Variants in TMLHE observed in about 807,000 individuals in gnomAD.
The protein encoded by TMLHE is trimethyllysine hydroxylase, epsilon.
In TMLHE, 18 loss-of-function variants were observed where a neutral mutation model predicts 25.7. That is an observed-to-expected ratio of 0.70 (90% CI 0.48 to 1.04). The LOEUF is 1.04. Among genes scored for constraint, TMLHE ranks in the 50% least tolerant of loss-of-function variants. TMLHE has a pLI of 0.00. For synonymous variants in TMLHE, 105 were observed against 97.0 expected, an observed-to-expected ratio of 1.08 and a Z score of -0.49; for missense variants, 236 against 259.0, an observed-to-expected ratio of 0.91 and a Z score of 0.61.
intron 1 of TMLHE, among the ~76,000 whole-genome samples, chrX:155,606,814 A>AAT (rs2067789769): frequency 9.2e-6 from 1 of 108,776 alleles, no homozygotes; most frequent in Admixed American, 9.7e-5. Context: ...AAAAAAAAAA[A>AAT]ACCCCATCAG....
intron 1 of TMLHE, among the ~76,000 whole-genome samples, chrX:155,594,841 A>T (rs1033537547): frequency 2.7e-5 from 3 of 111,453 alleles, no homozygotes; most frequent in African/African-American, 9.8e-5. Context: ...ATAACAACAA[A>T]GTGAAAAATC....
intron 2 of TMLHE, among the ~76,000 whole-genome samples, chrX:155,533,218 G>C (rs1450956811): frequency 9.0e-6 from 1 of 111,635 alleles, no homozygotes; most frequent in Non-Finnish European, 1.9e-5. Flanking sequence ...AACTTAGAAA[G>C]GTTCTCCTGG....
rs782229505 is a variant in TMLHE, at chrX:155,511,702, AG to A, written c.728del (p.Thr243MetfsTer29). 8.3e-7 allele frequency: 1 copy of A among 1,203,573 alleles called. No individual in the cohort carries two copies. ...AYTKLALDRH[T>X]DTTYFQEPCG... ...AGGGCTCTTGAAAATAGGTAGTGTC[AG>A]TGTGCCGATCCAGAGCTAGCTTGGT... is the stretch of plus-strand genomic sequence containing the variant. On this transcript the variant is annotated frameshift_variant, in exon 5 of 8. Transcript: ENST00000334398. LOFTEE classifies it high-confidence loss of function.
chrX:155,611,587 C>G (rs1316463198), intron 1 of TMLHE: 1 of 111,571 alleles, frequency 9.0e-6, no homozygotes, highest in Non-Finnish European at 1.9e-5. Context: ...GTGGGGCACA[C>G]TAAACAAGCC....
intron 2 of TMLHE, among the ~76,000 whole-genome samples, chrX:155,544,082 G>A (rs1473643747): frequency 1.8e-5 from 2 of 111,777 alleles, no homozygotes; most frequent in Non-Finnish European, 3.8e-5. Context: ...GATGTGGGGG[G>A]ATGAGGGCAT....
intron 1 of TMLHE, among the ~76,000 whole-genome samples, chrX:155,608,216 C>A (rs1414452670): frequency 1.8e-5 from 2 of 111,320 alleles, no homozygotes; most frequent in Non-Finnish European, 3.8e-5. Flanking sequence ...ACATATAGAC[C>A]AATGGAACAA....
intron 3 of TMLHE, among the ~76,000 whole-genome samples, chrX:155,523,425 G>T (rs1390565496): frequency 9.0e-6 from 1 of 110,954 alleles, no homozygotes; most frequent in Admixed American, 9.6e-5. Context: ...TTACTGAAAA[G>T]ATTATCCTTC....
rs1557342257 is a variant in TMLHE, at chrX:155,567,559, A to G, written c.-1-22282T>C. ...TCAATAAAGTTATTCAAAATGCAAA[A>G]ATAAACTGGACAAAGTTGTCAAAAA... On this transcript the variant is annotated intron_variant, in intron 1 of 7. Transcript: ENST00000334398. Among the ~76,000 whole-genome samples the G allele has an allele frequency of 3.2e-5, 2 of 62,398 alleles. 1 individual carries two copies. The highest frequency in any genetic ancestry group is 7.1e-5 in the African/African-American group (2 of 28,065). 54.2% of individuals were successfully genotyped at this position (62,398 alleles called of 115,157 possible).
intron 2 of TMLHE, among the ~76,000 whole-genome samples, chrX:155,526,764 C>T (rs2067222177): frequency 8.8e-6 from 1 of 113,066 alleles, no homozygotes; most frequent in Admixed American, 9.2e-5. Context: ...AATCAGCATA[C>T]CCTGGATGTG....
chrX:155,577,364 G>A (rs910762231), intron 1 of TMLHE, among the ~76,000 whole-genome samples: 1 of 111,064 alleles, frequency 9.0e-6, no homozygotes, highest in Non-Finnish European at 1.9e-5. Context: ...GATTGCCTGA[G>A]CTCAGGAGTT....
At chrX:155,611,063 T>C (rs1387236031) in intron 1 of TMLHE, among the ~76,000 whole-genome samples, 10 of 111,918 alleles carry the variant, frequency 8.9e-5, no homozygotes, top group Non-Finnish European at 1.5e-4. Flanking sequence ...TCAGCAGATA[T>C]CCAGCATAAT....
intron 1 of TMLHE, among the ~76,000 whole-genome samples, chrX:155,556,926 C>T (rs1462080034): frequency 8.9e-6 from 1 of 111,967 alleles, no homozygotes; most frequent in Non-Finnish European, 1.9e-5. Flanking sequence ...AAGAATTCAG[C>T]GATATTTCTC....
chrX:155,526,694 G>A (rs2067221680), intron 2 of TMLHE, among the ~76,000 whole-genome samples: 2 of 112,882 alleles, frequency 1.8e-5, no homozygotes, highest in South Asian at 3.6e-4. Flanking sequence ...CACCCCCAGG[G>A]CTGTATCCTG....
At chrX:155,556,346 C>T (rs2067455343) in intron 1 of TMLHE, among the ~76,000 whole-genome samples, 1 of 89,754 alleles carries the variant, frequency 1.1e-5, no homozygotes, top group African/African-American at 3.7e-5. Context: ...GGGGGACCTG[C>T]CCCGATAATC....
At chrX:155,512,784 G>C (rs1361818285) in intron 4 of TMLHE, among the ~76,000 whole-genome samples, 1 of 111,701 alleles carries the variant, frequency 9.0e-6, no homozygotes, top group African/African-American at 3.3e-5. Context: ...GAGGAATAAA[G>C]AAAAGAGAAA....
chrX:155,513,703 G>A (rs782343359), intron 4 of TMLHE, among the ~76,000 whole-genome samples: 9 of 110,277 alleles, frequency 8.2e-5, no homozygotes, highest in Non-Finnish European at 1.5e-4. Flanking sequence ...CTTACAGTCA[G>A]TGTTTTTTTC....
intron 1 of TMLHE, among the ~76,000 whole-genome samples, chrX:155,552,318 C>A (rs1557340158): frequency 9.1e-6 from 1 of 109,703 alleles, no homozygotes; most frequent in Non-Finnish European, 1.9e-5. Context: ...GATATTATTT[C>A]TTTCTTAAAT....
intron 1 of TMLHE, among the ~76,000 whole-genome samples, chrX:155,591,589 A>T (rs2067694032): frequency 1.8e-5 from 2 of 112,018 alleles, no homozygotes; most frequent in African/African-American, 6.5e-5. Context: ...TAAAGAAGAA[A>T]CCAAGGGGAA....
At chrX:155,546,453 C>A (rs2067345524) in intron 1 of TMLHE, among the ~76,000 whole-genome samples, 3 of 111,397 alleles carry the variant, frequency 2.7e-5, no homozygotes. Flanking sequence ...ATTACACCCT[C>A]AAATATGCAG....
Sources: gnomAD v4.1 joint callset for allele counts (sites outside exome capture counted in the v4.1 genomes callset) on GRCh38, gnomAD v4.1.1 for gene constraint, MANE v1.5 for transcripts, NCBI Gene and HGNC (gene_info 2026-07-23, HGNC 2026-07-21) for gene names.